The following NELL1 variants were observed in gnomAD, a reference collection of about 807,000 sequenced individuals.
NELL1 encodes protein kinase C-binding protein NELL1.
In NELL1, 76 loss-of-function variants were observed where a neutral mutation model predicts 107.4. The ratio of observed to expected loss-of-function variants is 0.71; its 90% CI spans 0.59 to 0.86. The LOEUF is 0.86. Ranked by LOEUF, NELL1 falls within the 40% of genes least tolerant of loss-of-function variation. The pLI is 0.00. For synonymous variants in NELL1, 353 were observed against 341.2 expected (o/e 1.03, Z -0.38); for missense variants, 1,024 against 1,005.5 (o/e 1.02, Z -0.25).
At chr11:20,872,895 T>C (rs1181505306) in intron 4 of NELL1, among the ~76,000 whole-genome samples, 4 of 152,202 alleles carry the variant, frequency 2.6e-5, no homozygotes, top group African/African-American at 4.8e-5. Flanking sequence ...ATGTCACACA[T>C]GCTCACTGAA....
intron 4 of NELL1, among the ~76,000 whole-genome samples, chr11:20,880,018 A>G (rs1011878100): frequency 2.6e-5 from 4 of 151,718 alleles, no homozygotes; most frequent in Admixed American, 2.6e-4. Context: ...ACAGAAATGA[A>G]TTTTTTTTTC....
chr11:21,203,731 G>A lies in NELL1; in HGVS notation c.1427-25601G>A, dbSNP rs191873872. 2.1e-3 allele frequency among the ~76,000 whole-genome samples: 325 copies of A among 152,220 alleles called. 1 individual carries two copies. Among genetic ancestry groups the A allele is most frequent in the Middle Eastern group, 6.8e-3 (2 of 294 alleles). On this transcript the variant is annotated intron_variant, in intron 13 of 19. Coordinates refer to ENST00000357134, the MANE Select transcript of NELL1 (RefSeq NM_006157.5). ...GTTGATGGCCTTTACAATTTGATAT[G>A]TTTTTGCAGTGGCTGCTACTGGTTC... is the stretch of plus-strand genomic sequence containing the variant.
At chr11:20,810,966 G>T (rs532878386) in intron 3 of NELL1, among the ~76,000 whole-genome samples, 14 of 151,772 alleles carry the variant, frequency 9.2e-5, no homozygotes, top group Non-Finnish European at 1.9e-4. Context: ...TTGCTCTGTT[G>T]ATTGTTTCCT....
chr11:20,928,287 AG>A, intron 8 of NELL1, 89 bp from the exon 9 acceptor site: 1 of 1,144,080 alleles, frequency 8.7e-7, no homozygotes, highest in East Asian at 2.4e-5. Flanking sequence ...TTCCCTGATG[AG>A]GTTTCTGGGA....
At chr11:20,710,636 T>G (rs373254555) in intron 2 of NELL1, among the ~76,000 whole-genome samples, 30 of 152,288 alleles carry the variant, frequency 2.0e-4, no homozygotes, top group African/African-American at 7.2e-4. Context: ...GAATGTTTGA[T>G]AGAGTTTAGC....
intron 12 of NELL1, among the ~76,000 whole-genome samples, chr11:20,978,196 A>T (rs762131124): frequency 6.6e-6 from 1 of 152,218 alleles, no homozygotes; most frequent in African/African-American, 2.4e-5. Flanking sequence ...GTAACAAACC[A>T]TCTCATTTGT....
intron 16 of NELL1, among the ~76,000 whole-genome samples, chr11:21,543,273 G>A (rs1165028779): frequency 6.6e-6 from 1 of 152,024 alleles, no homozygotes; most frequent in Non-Finnish European, 1.5e-5. Context: ...TTTTATCAAA[G>A]TACTAAATTC....
intron 5 of NELL1, among the ~76,000 whole-genome samples, chr11:20,908,007 A>G (rs75364981): frequency 2.2e-3 from 335 of 152,308 alleles, no homozygotes; most frequent in African/African-American, 7.6e-3. Flanking sequence ...ATGAGATACC[A>G]TCTTACGCCA....
chr11:21,469,835 A>G (rs1308507870), intron 15 of NELL1, among the ~76,000 whole-genome samples: 1 of 152,086 alleles, frequency 6.6e-6, no homozygotes, highest in Non-Finnish European at 1.5e-5. Context: ...ACATTGTACA[A>G]GTATAAGTAG....
intron 4 of NELL1, among the ~76,000 whole-genome samples, chr11:20,878,412 C>T (rs1433131757): frequency 2.7e-5 from 4 of 146,466 alleles, no homozygotes; most frequent in South Asian, 2.2e-4. Context: ...TTCAAGTTGT[C>T]GACTGCTTTT....
chr11:21,271,129 A>T (rs1292186489), intron 14 of NELL1, among the ~76,000 whole-genome samples: 1 of 152,084 alleles, frequency 6.6e-6, no homozygotes, highest in African/African-American at 2.4e-5. Flanking sequence ...AGGAGAAAAC[A>T]TATAATAAAA....
intron 14 of NELL1, among the ~76,000 whole-genome samples, chr11:21,336,657 A>G (rs1259055704): frequency 2.3e-4 from 20 of 86,210 alleles, no homozygotes; most frequent in South Asian, 9.5e-4. Flanking sequence ...GTGTGTATAT[A>G]TATATATATA....
chr11:20,799,050 A>C (rs1857229951), intron 3 of NELL1, among the ~76,000 whole-genome samples: 1 of 152,202 alleles, frequency 6.6e-6, no homozygotes, highest in East Asian at 1.9e-4. Context: ...AGGTCAGTAG[A>C]GAAGAGAAGC....
chr11:21,392,302 C>A (rs938763267), intron 15 of NELL1, among the ~76,000 whole-genome samples: 1 of 151,750 alleles, frequency 6.6e-6, no homozygotes, highest in South Asian at 2.1e-4. Context: ...CTTCACTGTT[C>A]CCCATAGTTT....
chr11:21,456,363 G>A (rs752076362), intron 15 of NELL1, among the ~76,000 whole-genome samples: 9 of 151,630 alleles, frequency 5.9e-5, no homozygotes, highest in Non-Finnish European at 1.2e-4. Context: ...TTCCTGCTTG[G>A]GTTTTCATCC....
At chr11:21,394,001 T>C (rs1192417600) in intron 15 of NELL1, among the ~76,000 whole-genome samples, 2 of 151,588 alleles carry the variant, frequency 1.3e-5, no homozygotes. Flanking sequence ...TAGAGCAGAC[T>C]GGATGAAGTT....
chr11:21,345,875 T>A (rs1351204853), intron 14 of NELL1, among the ~76,000 whole-genome samples: 1 of 152,186 alleles, frequency 6.6e-6, no homozygotes, highest in Non-Finnish European at 1.5e-5. Flanking sequence ...CACCTTCATA[T>A]CAGCTTTTAC....
intron 13 of NELL1, among the ~76,000 whole-genome samples, chr11:21,217,215 G>A (rs917470394): frequency 6.6e-6 from 1 of 152,260 alleles, no homozygotes; most frequent in South Asian, 2.1e-4. Context: ...GAGGCCTCCT[G>A]AGCCACGTTT....
intron 12 of NELL1, among the ~76,000 whole-genome samples, chr11:21,101,199 T>A (rs1055979380): frequency 2.6e-5 from 4 of 152,190 alleles, no homozygotes; most frequent in Non-Finnish European, 4.4e-5. Context: ...TAGTATTCCA[T>A]GGTGTATATG....
Sources: gnomAD v4.1 joint callset for allele counts (sites outside exome capture counted in the v4.1 genomes callset) on GRCh38, gnomAD v4.1.1 for gene constraint, MANE v1.5 for transcripts, NCBI Gene and HGNC (gene_info 2026-07-23, HGNC 2026-07-21) for gene names.